CTBP2: variants seen among roughly 807,000 people sequenced by gnomAD.
CTBP2 encodes the protein C-terminal-binding protein 2.
A neutral mutation model predicts 80.3 loss-of-function variants in CTBP2; 30 were observed. That is an observed-to-expected ratio of 0.37 (90% CI 0.28 to 0.51). The LOEUF (loss-of-function observed/expected upper bound fraction) is 0.51. Among genes scored for constraint, CTBP2 ranks in the 20% least tolerant of loss-of-function variants. The probability of loss-of-function intolerance (pLI) is 0.93; values close to 1 mark genes in which losing one functional copy is unlikely to be tolerated. For synonymous variants in CTBP2, 594 were observed against 587.4 expected (o/e 1.01, Z -0.16); for missense variants, 1,212 against 1,375.3 (o/e 0.88, Z 1.88).
At chr10:125,067,727 G>A (rs1206650214) in intron 2 of CTBP2, among the ~76,000 whole-genome samples, 1 of 152,202 alleles carries the variant, frequency 6.6e-6, no homozygotes, top group African/African-American at 2.4e-5. Flanking sequence ...TATAGCAAGT[G>A]TCAGCTGTCA....
Position 125,026,192 on chromosome 10 carries a change from G to T in CTBP2, c.1568C>A (p.Thr523Asn). ...GAGGCTCTGGCTGGCCGGCGGCAGG[G>T]TGGATGGCCCCAGGGGTGCACCTGG... The change falls in exon 1 of 9, where the codon ACC (threonine) becomes AAC (asparagine). Residue 523 changes from threonine (T) to asparagine (N), a missense_variant. By Grantham distance (65) the Thr-to-Asn change is moderately conservative. Around this residue, in one of 3 missense-constraint regions of CTBP2, gnomAD observed 848 missense variants for 782.3 expected, o/e 1.08. Coordinates refer to ENST00000309035, the MANE Select transcript of CTBP2 (RefSeq NM_022802.3). 6.2e-7 allele frequency: 1 copy of T among 1,612,636 alleles called. No homozygotes were observed. Among genetic ancestry groups the T allele is most frequent in the Non-Finnish European group, 8.5e-7 (1 of 1,179,154 alleles).
At chr10:125,000,076 G>T (rs1954244446) in intron 3 of CTBP2, 1 of 152,386 alleles carries the variant, frequency 6.6e-6, no homozygotes, top group Non-Finnish European at 1.5e-5. Context: ...GTTGAGGCAG[G>T]ACATCTGGTC....
intron 1 of CTBP2, among the ~76,000 whole-genome samples, chr10:125,025,124 T>C (rs1957407455): frequency 6.7e-6 from 1 of 148,780 alleles, no homozygotes; most frequent in South Asian, 2.1e-4. Context: ...TGTTTCATCC[T>C]GATTTTCACA....
chr10:125,008,984 A>T (rs1590040238), intron 1 of CTBP2, among the ~76,000 whole-genome samples: 1 of 152,018 alleles, frequency 6.6e-6, no homozygotes, highest in African/African-American at 2.4e-5. Context: ...GTTCCCCTCT[A>T]CCTTTGCCTC....
At position 124,989,405 on chromosome 10, in the gene CTBP2, T is replaced by C; in HGVS notation, c.*113A>G. 5.2e-6 allele frequency: 6 copies of C among 1,145,292 alleles called. No individual in the cohort carries two copies. The highest frequency in any genetic ancestry group is 1.7e-5 in the Admixed American group (1 of 59,220). The allele number at this position is 1,145,292 out of a possible 1,614,324, so 70.9% of individuals were successfully genotyped here. A position where few individuals can be genotyped will look rare whatever the true frequency, so the allele number is the denominator to read the frequency against. On this transcript the variant is annotated 3_prime_UTR_variant, in exon 9 of 9. Coordinates refer to ENST00000309035, the MANE Select transcript of CTBP2 (RefSeq NM_022802.3). Reference sequence around the variant, plus strand: ...TCAACACTGCAACATCAATGATGCATATGTCCAGAATCAGTTACAAAGACC... The same window carrying C: ...TCAACACTGCAACATCAATGATGCACATGTCCAGAATCAGTTACAAAGACC...
intron 1 of CTBP2, among the ~76,000 whole-genome samples, chr10:125,152,478 A>G (rs935368826): frequency 1.3e-5 from 2 of 152,232 alleles, no homozygotes; most frequent in African/African-American, 4.8e-5. Flanking sequence ...TCACAGGAAC[A>G]AGGAGGAAAA....
chr10:125,078,873 C>T (rs901127569), intron 2 of CTBP2, among the ~76,000 whole-genome samples: 2 of 151,788 alleles, frequency 1.3e-5, no homozygotes, highest in African/African-American at 4.8e-5. Context: ...CACGGTGGCT[C>T]GTGCTTGTAA....
At position 125,044,185 on chromosome 10, in the gene CTBP2, G is replaced by C. The variant is rs565184487; in HGVS notation, c.-101-5030C>G. On this transcript the variant is annotated intron_variant, in intron 2 of 10. Transcript: ENST00000337195. ...AAACGACAGGACTCACTCCTGGAAA[G>C]CTTCCTTCACCGCAGCCTACAGGGC... Among the ~76,000 whole-genome samples, 6 of 152,322 alleles carry C rather than the reference G, an allele frequency of 3.9e-5. No homozygotes were observed. The East Asian group carries it at 1.2e-3, about 29-fold the overall frequency.
At chr10:125,114,542 T>C (rs1852878637) in intron 1 of CTBP2, among the ~76,000 whole-genome samples, 1 of 152,034 alleles carries the variant, frequency 6.6e-6, no homozygotes, top group Non-Finnish European at 1.5e-5. Flanking sequence ...TGCTTGGGTG[T>C]TTTGTTCTTA....
chr10:125,061,209 A>T (rs970452725), intron 2 of CTBP2, among the ~76,000 whole-genome samples: 1 of 152,262 alleles, frequency 6.6e-6, no homozygotes. Flanking sequence ...TTGCTAAAGC[A>T]AACATCTTAT....
intron 1 of CTBP2, among the ~76,000 whole-genome samples, chr10:125,019,851 A>C (rs1056292011): frequency 2.0e-5 from 3 of 152,226 alleles, no homozygotes; most frequent in Non-Finnish European, 4.4e-5. Flanking sequence ...TTGAAAAAAC[A>C]ACCACAGAAT....
Position 125,123,880 on chromosome 10 carries a change from C to A in CTBP2, c.-205-12787G>T, listed in dbSNP as rs375779480. 1.3e-4 allele frequency among the ~76,000 whole-genome samples: 20 copies of A among 152,362 alleles called. No individual in the cohort carries two copies. The East Asian group carries it at 3.5e-3, about 26-fold the overall frequency. On this transcript the variant is annotated intron_variant, in intron 1 of 10. Transcript: ENST00000337195. ...CCAGGGCCACACCCAACAGAGGGCA[C>A]GTTCCCTGACAGAGCAGCCCTGGAG...
chr10:125,052,897 TC>T (rs1963104641), intron 2 of CTBP2, among the ~76,000 whole-genome samples: 2 of 152,144 alleles, frequency 1.3e-5, no homozygotes, highest in South Asian at 4.1e-4. Flanking sequence ...TCTCCACACT[TC>T]CCAAGTTCAT....
chr10:125,078,279 CA>C (rs1214515506), intron 2 of CTBP2, among the ~76,000 whole-genome samples: 14,157 of 80,030 alleles, frequency 0.18, 406 homozygotes, highest in African/African-American at 0.22. Context: ...GACTCCGTCT[CA>C]AAAAAAAAAA....
At chr10:125,156,829 G>A (rs1486853507) in intron 1 of CTBP2, among the ~76,000 whole-genome samples, 37 of 152,260 alleles carry the variant, frequency 2.4e-4, no homozygotes, top group African/African-American at 8.2e-4. Context: ...AAAATTTCTG[G>A]AGTTTTAAAA....
In CTBP2 at chr10:124,986,322, C is replaced by CACACAG. The variant is rs1491004823; in HGVS notation, c.*3195_*3196insCTGTGT. 6.6e-6 allele frequency: 1 copy of CACACAG among 152,102 alleles called. No individual in the cohort carries two copies. Among genetic ancestry groups the CACACAG allele is most frequent in the Non-Finnish European group, 1.5e-5 (1 of 67,994 alleles). The allele number at this position is 152,102 out of a possible 1,614,324, so 9.4% of individuals were successfully genotyped here. A position where few individuals can be genotyped will look rare whatever the true frequency, so the allele number is the denominator to read the frequency against. On this transcript the variant is annotated 3_prime_UTR_variant, in exon 9 of 9. Coordinates refer to ENST00000309035, the MANE Select transcript of CTBP2 (RefSeq NM_022802.3). ...ACACACACACACACACACACACACA[C>CACACAG]AGTTTTTTCCTTCCCTGTGATGAAA...
chr10:125,016,651 C>T (rs1442405671), intron 1 of CTBP2, among the ~76,000 whole-genome samples: 2 of 152,240 alleles, frequency 1.3e-5, no homozygotes, highest in African/African-American at 2.4e-5. Context: ...GAAAGTGATC[C>T]GCGAGGACTG....
In CTBP2 at chr10:124,987,579, CGTT is replaced by C. The variant is rs1203432016; in HGVS notation, c.*1936_*1938del. ...CCTCTTTGATGAGTGGTTACGAAGA[CGTT>C]AAACTACCTTTTTGTTCCCTGGGGT... On this transcript the variant is annotated 3_prime_UTR_variant, in exon 9 of 9. Transcript: ENST00000309035. The C allele has an allele frequency of 6.6e-6, 1 of 152,122 alleles. No individual in the cohort carries two copies. Among genetic ancestry groups the C allele is most frequent in the Non-Finnish European group, 1.5e-5 (1 of 68,038 alleles). 9.4% of individuals were successfully genotyped at this position (152,122 alleles called of 1,614,324 possible).
chr10:125,106,652 T>G (rs1277921997), intron 2 of CTBP2, among the ~76,000 whole-genome samples: 1 of 152,170 alleles, frequency 6.6e-6, no homozygotes, highest in Non-Finnish European at 1.5e-5. Context: ...GTGCCCACCA[T>G]CCTGCAGATG....
Sources: allele counts gnomAD v4.1 joint callset (sites outside exome capture counted in the v4.1 genomes callset), GRCh38; gene constraint gnomAD v4.1.1; regional missense constraint gnomAD v4.1.1; transcripts MANE v1.5; gene names NCBI Gene and HGNC (gene_info 2026-07-23, HGNC 2026-07-21).